The following DOCK2 variants were observed in gnomAD, a reference collection of about 807,000 sequenced individuals.
DOCK2 encodes dedicator of cytokinesis 2.
A neutral mutation model predicts 248.9 loss-of-function variants in DOCK2; 87 were observed. That is an observed-to-expected ratio of 0.35 (90% CI 0.29 to 0.42). The LOEUF is 0.42. Ranked by LOEUF, DOCK2 falls within the 10% of genes least tolerant of loss-of-function variation. DOCK2 has a pLI of 1.00. For missense variants in DOCK2, 1,747 were observed against 2,300.2 expected, an observed-to-expected ratio of 0.76 and a Z score of 4.92; for synonymous variants, 805 against 821.6, an observed-to-expected ratio of 0.98 and a Z score of 0.35.
Position 169,803,225 on chromosome 5 carries a change from G to A in DOCK2, c.2703+19G>A. 6.2e-7 allele frequency: 1 copy of A among 1,609,552 alleles called. No individual in the cohort carries two copies. Among genetic ancestry groups the A allele is most frequent in the Non-Finnish European group, 8.5e-7 (1 of 1,177,692 alleles). On this transcript the variant is annotated intron_variant, in intron 26 of 51. Coordinates refer to ENST00000520908, the MANE Select transcript of DOCK2 (RefSeq NM_004946.3). ...GGATGCGGTGAGTCCTCCTGATGATGTAGATATCCTGGACTCAGACTAGGG... is the reference window on the plus strand; with the variant it reads ...GGATGCGGTGAGTCCTCCTGATGATATAGATATCCTGGACTCAGACTAGGG...
chr5:170,011,216 G>A (rs1755277790), intron 32 of DOCK2, among the ~76,000 whole-genome samples: 1 of 152,206 alleles, frequency 6.6e-6, no homozygotes, highest in Non-Finnish European at 1.5e-5. Flanking sequence ...TTCTCTTGTA[G>A]AGGGTTTTCT....
At chr5:169,848,277 G>A (rs2113362649) in intron 27 of DOCK2, among the ~76,000 whole-genome samples, 1 of 152,340 alleles carries the variant, frequency 6.6e-6, no homozygotes, top group African/African-American at 2.4e-5. Context: ...AACAGATTGA[G>A]CAGCAGAGGA....
At chr5:169,935,193 G>A (rs892590868) in intron 27 of DOCK2, among the ~76,000 whole-genome samples, 4 of 152,228 alleles carry the variant, frequency 2.6e-5, no homozygotes, top group African/African-American at 9.6e-5. Context: ...AGTCTGCAGA[G>A]CAGCATGCCA....
At chr5:169,928,172 A>G (rs1775567573) in intron 27 of DOCK2, among the ~76,000 whole-genome samples, 1 of 152,106 alleles carries the variant, frequency 6.6e-6, no homozygotes, top group Admixed American at 6.5e-5. Flanking sequence ...CACCTCATTG[A>G]CTTGCCCCAC....
intron 2 of DOCK2, among the ~76,000 whole-genome samples, chr5:169,664,285 A>G (rs1345045341): frequency 6.6e-6 from 1 of 152,188 alleles, no homozygotes; most frequent in Non-Finnish European, 1.5e-5. Context: ...CCTGGATTTC[A>G]TTGTCCATAT....
chr5:169,975,153 A>G (rs72828615), intron 27 of DOCK2, among the ~76,000 whole-genome samples: 2,196 of 152,346 alleles, frequency 0.014, 23 homozygotes, highest in Non-Finnish European at 0.021. Context: ...TCATTTAGCA[A>G]GAAATGCTTG....
Position 169,815,852 on chromosome 5 carries a change from A to C in DOCK2, c.2703+12646A>C, listed in dbSNP as rs544486285. On this transcript the variant is annotated intron_variant, in intron 26 of 51. Coordinates refer to ENST00000520908, the MANE Select transcript of DOCK2 (RefSeq NM_004946.3). ...ACCCATAAATGGCGTGGCGGCTTGG[A>C]GGAATGGAGAAGGTACCCTTCTATT... Among the ~76,000 whole-genome samples the C allele has an allele frequency of 2.1e-3, 327 of 152,166 alleles. 1 individual carries two copies. The highest frequency in any genetic ancestry group is 3.7e-3 in the Non-Finnish European group (254 of 68,006).
intron 27 of DOCK2, among the ~76,000 whole-genome samples, chr5:169,844,747 T>TTC (rs386405648): frequency 1.1e-4 from 16 of 152,024 alleles, no homozygotes; most frequent in African/African-American, 3.9e-4. Flanking sequence ...TTTTTTTTTT[T>TTC]TGAGTCATTT....
At chr5:169,670,974 G>A in intron 4 of DOCK2, 104 bp from the exon 5 acceptor site, 1 of 869,314 alleles carries the variant, frequency 1.2e-6, no homozygotes, top group Non-Finnish European at 1.8e-6. Flanking sequence ...TCTAATGTCA[G>A]GAAGGCCCCT....
intron 27 of DOCK2, among the ~76,000 whole-genome samples, chr5:169,930,702 G>A (rs992491187): frequency 3.9e-5 from 6 of 152,186 alleles, no homozygotes; most frequent in African/African-American, 1.4e-4. Flanking sequence ...TTTCAAGAAG[G>A]GTTGCTTCTC....
intron 27 of DOCK2, among the ~76,000 whole-genome samples, chr5:169,936,113 T>C (rs1404770590): frequency 6.6e-6 from 1 of 152,242 alleles, no homozygotes; most frequent in Middle Eastern, 3.4e-3. Context: ...TGTTAGAAAA[T>C]GTAACAAAAC....
Position 169,699,388 on chromosome 5 carries a change from A to C in DOCK2, c.1062A>C (p.Thr354=). The C allele has an allele frequency of 6.2e-7, 1 of 1,613,316 alleles. No individual in the cohort carries two copies. Among genetic ancestry groups the C allele is most frequent in the Non-Finnish European group, 8.5e-7 (1 of 1,179,564 alleles). The change falls in exon 12 of 52, where the codon ACA becomes ACC. Residue 354 remains threonine, a synonymous_variant. Coordinates refer to ENST00000520908, the MANE Select transcript of DOCK2 (RefSeq NM_004946.3). ...GCTCTCTTTTCCTTTCCAGGGTTACAGCTGAGAATGACTTCCTACACAGCC... is the reference window on the plus strand; with the variant it reads ...GCTCTCTTTTCCTTTCCAGGGTTACCGCTGAGAATGACTTCCTACACAGCC... ...KQHFIPFHPV[T]AENDFLHSLL... is the part of the protein sequence containing the mutation.
intron 25 of DOCK2, among the ~76,000 whole-genome samples, chr5:169,800,540 A>G (rs1318985958): frequency 6.6e-6 from 1 of 152,200 alleles, no homozygotes; most frequent in Non-Finnish European, 1.5e-5. Context: ...CGTTTATTGG[A>G]ATTTAATTAA....
chr5:169,863,813 T>C (rs1771359161), intron 27 of DOCK2, among the ~76,000 whole-genome samples: 1 of 152,242 alleles, frequency 6.6e-6, no homozygotes. Flanking sequence ...TGCCAGTTTA[T>C]CTCATTTTTT....
At chr5:169,980,132 A>G (rs1777888538) in intron 27 of DOCK2, 2 of 151,726 alleles carry the variant, frequency 1.3e-5, no homozygotes, top group South Asian at 4.1e-4. Flanking sequence ...TCCACTACAT[A>G]CCACCACACA....
intron 27 of DOCK2, among the ~76,000 whole-genome samples, chr5:169,938,910 C>CTT (rs60068204): frequency 0.39 from 54,738 of 140,790 alleles, 9,863 homozygotes; most frequent in South Asian, 0.53. Context: ...TTTTTCTTTT[C>CTT]TTTTTTTTTT....
intron 3 of DOCK2, 21 bp from the exon 4 acceptor site, chr5:169,670,521 G>GTTT (rs747840440): frequency 6.8e-6 from 11 of 1,610,502 alleles, no homozygotes; most frequent in Middle Eastern, 1.6e-4. Flanking sequence ...ATTTTGTTTT[G>GTTT]TTTTGTTTTG....
intron 22 of DOCK2, among the ~76,000 whole-genome samples, chr5:169,731,265 A>G (rs1361986969): frequency 2.0e-5 from 3 of 152,112 alleles, no homozygotes; most frequent in Non-Finnish European, 4.4e-5. Context: ...TGTAACTCCC[A>G]CAATTCCCAT....
intron 26 of DOCK2, among the ~76,000 whole-genome samples, chr5:169,804,253 A>AAC (rs1767169720): frequency 6.6e-6 from 1 of 152,172 alleles, no homozygotes; most frequent in African/African-American, 2.4e-5. Flanking sequence ...TTCTACACTT[A>AAC]CCATCCCAAT....
Sources: gnomAD v4.1 joint callset for allele counts (sites outside exome capture counted in the v4.1 genomes callset) on GRCh38, gnomAD v4.1.1 for gene constraint, MANE v1.5 for transcripts, NCBI Gene and HGNC (gene_info 2026-07-23, HGNC 2026-07-21) for gene names.